Variants in LRP1B observed in about 807,000 individuals in gnomAD.
The protein encoded by LRP1B is LDL receptor related protein 1B, also known as low-density lipoprotein receptor-related protein 1B.
In LRP1B, 217 loss-of-function variants were observed where a neutral mutation model predicts 556.6. The ratio of observed to expected loss-of-function variants is 0.39; its 90% CI spans 0.35 to 0.44. The LOEUF is 0.44. Among genes scored for constraint, LRP1B ranks in the 20% least tolerant of loss-of-function variants. The probability of loss-of-function intolerance (pLI) is 1.00; values close to 1 mark genes in which losing one functional copy is unlikely to be tolerated. For synonymous variants in LRP1B, 2,047 were observed against 1,865.8 expected (o/e 1.10, Z -2.50); for missense variants, 5,053 against 5,620.8 (o/e 0.90, Z 3.23).
At chr2:141,448,062 A>G (rs1681265723) in intron 3 of LRP1B, among the ~76,000 whole-genome samples, 1 of 152,180 alleles carries the variant, frequency 6.6e-6, no homozygotes, top group African/African-American at 2.4e-5. Context: ...TGGGAGTTTT[A>G]TCTATAAGAT....
At chr2:140,377,639 A>T (rs1308433566) in intron 68 of LRP1B, among the ~76,000 whole-genome samples, 1 of 152,204 alleles carries the variant, frequency 6.6e-6, no homozygotes, top group Non-Finnish European at 1.5e-5. Context: ...AGTTTATAGA[A>T]TTATCCAGAG....
intron 86 of LRP1B, among the ~76,000 whole-genome samples, chr2:140,251,675 C>G (rs1379809761): frequency 6.6e-6 from 1 of 151,780 alleles, no homozygotes; most frequent in Non-Finnish European, 1.5e-5. Context: ...TAATATACCC[C>G]TTTCTTTCTC....
intron 66 of LRP1B, among the ~76,000 whole-genome samples, chr2:140,416,822 A>G (rs1685223341): frequency 6.6e-6 from 1 of 152,084 alleles, no homozygotes; most frequent in African/African-American, 2.4e-5. Context: ...CCATTATTTT[A>G]TTTACCACAT....
chr2:141,842,348 G>A (rs1326321365), intron 1 of LRP1B, among the ~76,000 whole-genome samples: 1 of 151,872 alleles, frequency 6.6e-6, no homozygotes, highest in East Asian at 1.9e-4. Flanking sequence ...CTAAAGATTA[G>A]GAATGTTCTT....
chr2:141,797,707 T>A (rs930682861), intron 2 of LRP1B, among the ~76,000 whole-genome samples: 8 of 152,126 alleles, frequency 5.3e-5, no homozygotes, highest in Non-Finnish European at 7.4e-5. Flanking sequence ...TCTGAAAAAA[T>A]TTTGTTGTAA....
intron 3 of LRP1B, among the ~76,000 whole-genome samples, chr2:141,277,024 T>C (rs546432783): frequency 6.6e-6 from 1 of 152,324 alleles, no homozygotes; most frequent in East Asian, 1.9e-4. Flanking sequence ...CAAATTTTCT[T>C]TATCTGGTCT....
At chr2:140,631,746 G>C (rs201190289) in intron 41 of LRP1B, among the ~76,000 whole-genome samples, 1 of 143,092 alleles carries the variant, frequency 7.0e-6, no homozygotes, top group South Asian at 2.2e-4. Flanking sequence ...TGAAATAATG[G>C]CTATTTTCCA....
chr2:140,685,191 C>T (rs1574239177), intron 41 of LRP1B, among the ~76,000 whole-genome samples: 1 of 152,154 alleles, frequency 6.6e-6, no homozygotes, highest in Non-Finnish European at 1.5e-5. Flanking sequence ...AGCAAGTACA[C>T]CTGTTCTTCA....
At chr2:140,467,455 A>T (rs555311451) in intron 60 of LRP1B, among the ~76,000 whole-genome samples, 2,316 of 151,706 alleles carry the variant, frequency 0.015, 57 homozygotes, top group African/African-American at 0.051. Context: ...AATTAAAAAA[A>T]AAAAAAATTT....
intron 41 of LRP1B, among the ~76,000 whole-genome samples, chr2:140,650,844 C>A (rs1175486990): frequency 6.6e-6 from 1 of 151,994 alleles, no homozygotes; most frequent in Non-Finnish European, 1.5e-5. Context: ...GATTTCCCCT[C>A]GAAAGTAATT....
chr2:140,518,733 C>A (rs965420878), intron 49 of LRP1B, among the ~76,000 whole-genome samples: 1 of 152,082 alleles, frequency 6.6e-6, no homozygotes, highest in Non-Finnish European at 1.5e-5. Context: ...GGCTCTCTGT[C>A]TGTTATTGGT....
intron 71 of LRP1B, among the ~76,000 whole-genome samples, chr2:140,367,211 C>T (rs1682802143): frequency 6.6e-6 from 1 of 151,598 alleles, no homozygotes; most frequent in African/African-American, 2.4e-5. Flanking sequence ...GAGAGAGTTG[C>T]CTTTTTAAAA....
At chr2:141,510,068 A>G (rs552668923) in intron 2 of LRP1B, among the ~76,000 whole-genome samples, 1 of 152,130 alleles carries the variant, frequency 6.6e-6, no homozygotes, top group Non-Finnish European at 1.5e-5. Context: ...CAGAAAAAAA[A>G]GTACTCTTTC....
At chr2:140,820,283 A>G (rs1166392575) in intron 31 of LRP1B, among the ~76,000 whole-genome samples, 1 of 152,176 alleles carries the variant, frequency 6.6e-6, no homozygotes, top group Non-Finnish European at 1.5e-5. Flanking sequence ...CCTGGCCTAC[A>G]TTAATTTTTT....
chr2:141,712,822 A>G (rs938433581), intron 2 of LRP1B, among the ~76,000 whole-genome samples: 5 of 142,846 alleles, frequency 3.5e-5, no homozygotes, highest in Non-Finnish European at 7.6e-5. Flanking sequence ...GGTGCCTGCC[A>G]CCATGCCCAG....
At chr2:140,578,549 C>T (rs2105128476) in intron 43 of LRP1B, among the ~76,000 whole-genome samples, 1 of 152,294 alleles carries the variant, frequency 6.6e-6, no homozygotes, top group Admixed American at 6.5e-5. Context: ...GCCTAGAATG[C>T]CATTCCCCAA....
At chr2:140,424,795 A>T (rs1318010072) in intron 66 of LRP1B, among the ~76,000 whole-genome samples, 1 of 152,150 alleles carries the variant, frequency 6.6e-6, no homozygotes, top group Admixed American at 6.5e-5. Context: ...GGAAGTTTTG[A>T]ATTGGTCAAT....
intron 1 of LRP1B, among the ~76,000 whole-genome samples, chr2:142,045,659 TC>T (rs1183024951): frequency 6.6e-6 from 1 of 151,926 alleles, no homozygotes; most frequent in Non-Finnish European, 1.5e-5. Context: ...ATATATTTAA[TC>T]GGTCATGCGT....
intron 79 of LRP1B, 33 bp downstream of exon 79, chr2:140,334,420 G>T: frequency 7.7e-7 from 1 of 1,302,834 alleles, no homozygotes; most frequent in Non-Finnish European, 1.1e-6. Flanking sequence ...TTGTCATTCT[G>T]CTTCATATTT....
Sources: allele counts gnomAD v4.1 joint callset (sites outside exome capture counted in the v4.1 genomes callset), GRCh38; gene constraint gnomAD v4.1.1; transcripts MANE v1.5; gene names NCBI Gene and HGNC (gene_info 2026-07-23, HGNC 2026-07-21).